The following NEGR1 variants were observed in gnomAD, a reference collection of about 807,000 sequenced individuals.
NEGR1 encodes the protein neuronal growth regulator 1.
A neutral mutation model predicts 40.9 loss-of-function variants in NEGR1; 10 were observed. The observed-to-expected ratio is 0.24, with a 90% CI of 0.15 to 0.42. The LOEUF (loss-of-function observed/expected upper bound fraction) is 0.42, where lower values mean the gene tolerates loss of function less well. NEGR1 is among the 10% of genes least tolerant of loss of function. The pLI is 1.00. For synonymous variants in NEGR1, 185 were observed against 166.8 expected (o/e 1.11, Z -0.84); for missense variants, 352 against 438.9 (o/e 0.80, Z 1.77).
At chr1:71,536,747 C>T (rs1647527392) in intron 6 of NEGR1, among the ~76,000 whole-genome samples, 1 of 151,608 alleles carries the variant, frequency 6.6e-6, no homozygotes, top group Non-Finnish European at 1.5e-5. Context: ...TTGTGAAGGA[C>T]AAATGCACTC....
chr1:72,266,523 T>G (rs1021008794), intron 1 of NEGR1, among the ~76,000 whole-genome samples: 5 of 150,948 alleles, frequency 3.3e-5, no homozygotes, highest in African/African-American at 1.2e-4. Flanking sequence ...TAGAAGTCTT[T>G]TATAAAATAT....
chr1:71,813,993 C>G lies in NEGR1; in HGVS notation c.410-37696G>C, dbSNP rs187239698. Among the ~76,000 whole-genome samples the G allele has an allele frequency of 6.5e-3, 986 of 152,186 alleles. 8 individuals are homozygous for G. The highest frequency in any genetic ancestry group is 0.011 in the Non-Finnish European group (738 of 67,996). ...GTGGTGGAGTGGTGAGAGATGACAT[C>G]CTTGTCTTGTGCCAGTTTTCAAGGG... On this transcript the variant is annotated intron_variant, in intron 2 of 6. Transcript: ENST00000357731.
rs138290751 is a variant in NEGR1, at chr1:72,273,589, T to TAC, written c.176+8728_176+8729dup. On this transcript the variant is annotated intron_variant, in intron 1 of 6. Transcript: ENST00000357731. ...ACCCTTGAAATCTTAACATAGCACA[T>TAC]ACACACACACACGCAAGTACACACA... Among the ~76,000 whole-genome samples, 7 of 151,638 alleles carry TAC rather than the reference T, an allele frequency of 4.6e-5. No individual in the cohort carries two copies. In the South Asian group the frequency reaches 6.2e-4, roughly 14 times the overall value.
intron 1 of NEGR1, among the ~76,000 whole-genome samples, chr1:72,113,682 T>G (rs1649472521): frequency 6.6e-6 from 1 of 151,668 alleles, no homozygotes; most frequent in Non-Finnish European, 1.5e-5. Context: ...AGTACAGTAT[T>G]TCAAATTACT....
chr1:71,663,067 C>T (rs947813540), intron 4 of NEGR1, among the ~76,000 whole-genome samples: 6 of 152,044 alleles, frequency 3.9e-5, no homozygotes, highest in Non-Finnish European at 5.9e-5. Flanking sequence ...TACCATTCTC[C>T]TGCCTCAGCC....
At chr1:71,585,260 G>T (rs915925899) in intron 6 of NEGR1, among the ~76,000 whole-genome samples, 5 of 152,012 alleles carry the variant, frequency 3.3e-5, no homozygotes, top group East Asian at 1.9e-4. Context: ...TTTTAAACAT[G>T]CATAGATTTC....
At chr1:71,476,365 A>C (rs1397508159) in intron 6 of NEGR1, among the ~76,000 whole-genome samples, 1 of 152,142 alleles carries the variant, frequency 6.6e-6, no homozygotes, top group African/African-American at 2.4e-5. Context: ...GACTATTCAC[A>C]TTTTATCTGG....
At position 72,240,153 on chromosome 1, in the gene NEGR1, A is replaced by C. The variant is rs148314486; in HGVS notation, c.176+42166T>G. On this transcript the variant is annotated intron_variant, in intron 1 of 6. Coordinates refer to ENST00000357731, the MANE Select transcript of NEGR1 (RefSeq NM_173808.3). ...AATGGTGACATCGCTAATGCTTAAA[A>C]AATGTTTATGGGCAAAATTATCCAA... Among the ~76,000 whole-genome samples the C allele has an allele frequency of 3.4e-3, 514 of 152,018 alleles. 3 individuals are homozygous for C. The highest frequency in any genetic ancestry group is 6.8e-3 in the Admixed American group (104 of 15,212).
At chr1:72,237,476 C>A (rs1654588127) in intron 1 of NEGR1, among the ~76,000 whole-genome samples, 1 of 151,930 alleles carries the variant, frequency 6.6e-6, no homozygotes, top group Non-Finnish European at 1.5e-5. Context: ...AGTTCGTAGG[C>A]CATTACTTCT....
chr1:71,975,809 C>A lies in NEGR1; in HGVS notation c.177-40498G>T, dbSNP rs185635883. 3.7e-4 allele frequency among the ~76,000 whole-genome samples: 56 copies of A among 152,324 alleles called. No individual in the cohort carries two copies. The South Asian group carries it at 8.3e-3, about 23-fold the overall frequency. On this transcript the variant is annotated intron_variant, in intron 1 of 6. Coordinates refer to ENST00000357731, the MANE Select transcript of NEGR1 (RefSeq NM_173808.3). ...AAAAACTTTAGATAAAATAGATAAT[C>A]TCCGAGATCCCTCCCAGCTCAAAAC...
intron 1 of NEGR1, among the ~76,000 whole-genome samples, chr1:72,279,267 C>G (rs34874247): frequency 0.13 from 20,461 of 152,044 alleles, 1,626 homozygotes; most frequent in Non-Finnish European, 0.18. Context: ...TTTCATGATC[C>G]TCTTCTCAAA....
chr1:72,109,720 A>G (rs1027655135), intron 1 of NEGR1, among the ~76,000 whole-genome samples: 1 of 151,698 alleles, frequency 6.6e-6, no homozygotes, highest in Non-Finnish European at 1.5e-5. Flanking sequence ...CACATACTTC[A>G]GTGATCAGCT....
intron 6 of NEGR1, among the ~76,000 whole-genome samples, chr1:71,493,668 A>G (rs1646944044): frequency 6.6e-6 from 1 of 152,232 alleles, no homozygotes; most frequent in Admixed American, 6.5e-5. Context: ...TATTTAAAAT[A>G]CGGTGTTCAA....
chr1:71,426,653 T>G (rs895036357), intron 6 of NEGR1, among the ~76,000 whole-genome samples: 3 of 152,206 alleles, frequency 2.0e-5, no homozygotes, highest in African/African-American at 7.2e-5. Flanking sequence ...ACTATCTCTT[T>G]AAAGCTTACT....
chr1:71,495,860 C>A (rs1297460881), intron 6 of NEGR1, among the ~76,000 whole-genome samples: 3 of 152,168 alleles, frequency 2.0e-5, no homozygotes. Flanking sequence ...TTCAACAGTT[C>A]TATCAACATG....
intron 2 of NEGR1, among the ~76,000 whole-genome samples, chr1:71,928,323 CGTATATATGTATATAT>C (rs1645811734): frequency 7.0e-4 from 25 of 35,776 alleles, no homozygotes; most frequent in African/African-American, 2.3e-3. Flanking sequence ...TATGTATATA[CGTATATATGTATATAT>C]ACACACATGT....
At chr1:72,274,900 C>A (rs1418415138) in intron 1 of NEGR1, 2 of 1,593,516 alleles carry the variant, frequency 1.3e-6, no homozygotes, top group Middle Eastern at 1.7e-4. Context: ...TCCACAGAAC[C>A]AAGTCAATCG....
intron 4 of NEGR1, among the ~76,000 whole-genome samples, chr1:71,627,432 C>T (rs1048615436): frequency 6.6e-6 from 1 of 152,022 alleles, no homozygotes; most frequent in East Asian, 1.9e-4. Context: ...GTCTATGACT[C>T]CCACCAATAT....
chr1:71,872,154 G>T (rs1553171240), intron 2 of NEGR1, among the ~76,000 whole-genome samples: 1 of 152,120 alleles, frequency 6.6e-6, no homozygotes, highest in Non-Finnish European at 1.5e-5. Flanking sequence ...TTAACCTTAT[G>T]ATAATATTAT....
Sources: gnomAD v4.1 joint callset for allele counts (sites outside exome capture counted in the v4.1 genomes callset) on GRCh38, gnomAD v4.1.1 for gene constraint, MANE v1.5 for transcripts, NCBI Gene and HGNC (gene_info 2026-07-23, HGNC 2026-07-21) for gene names.